The following KCNG1 variants were observed in gnomAD, a reference collection of about 807,000 sequenced individuals.
KCNG1 encodes the protein potassium voltage-gated channel modifier subfamily G member 1.
In KCNG1, 17 loss-of-function variants were observed where a neutral mutation model predicts 32.4. The observed-to-expected ratio is 0.52, with a 90% CI of 0.36 to 0.79. The LOEUF (loss-of-function observed/expected upper bound fraction) is 0.79. Ranked by LOEUF, KCNG1 falls within the 30% of genes least tolerant of loss-of-function variation. The pLI, the probability that KCNG1 is intolerant of heterozygous loss-of-function variation, is 0.00. For synonymous variants in KCNG1, 358 were observed against 339.9 expected (o/e 1.05, Z -0.59); for missense variants, 441 against 735.2 (o/e 0.60, Z 4.63).
intron 1 of KCNG1, among the ~76,000 whole-genome samples, chr20:51,011,400 T>C (rs1040143481): frequency 6.6e-6 from 1 of 152,154 alleles, no homozygotes; most frequent in Non-Finnish European, 1.5e-5. Context: ...ACAGTTCTCA[T>C]AGGGCTGATT....
chr20:51,010,009 G>T lies in KCNG1; in HGVS notation c.330C>A (p.Val110=), dbSNP rs551001071. The change falls in exon 2 of 3, where the codon GTC becomes GTA. Residue 110 remains valine, a synonymous_variant. Coordinates refer to ENST00000371571, the MANE Select transcript of KCNG1 (RefSeq NM_002237.4). ...GGTCGAAGAAGAACTCGTTGCAGGTGACGTCGTAGTCATCGCACACGTTGA... is the reference window on the plus strand; with the variant it reads ...GGTCGAAGAAGAACTCGTTGCAGGTTACGTCGTAGTCATCGCACACGTTGA... ...DILNVCDDYD[V]TCNEFFFDRN... 3.1e-5 allele frequency: 50 copies of T among 1,614,108 alleles called. No homozygotes were observed. Among genetic ancestry groups the T allele is most frequent in the Admixed American group, 5.0e-5 (3 of 60,032 alleles).
chr20:51,018,426 G>A (rs1472485415), intron 1 of KCNG1, among the ~76,000 whole-genome samples: 1 of 152,172 alleles, frequency 6.6e-6, no homozygotes, highest in Non-Finnish European at 1.5e-5. Flanking sequence ...GCATGAAATG[G>A]TTCTACAGAT....
intron 1 of KCNG1, among the ~76,000 whole-genome samples, chr20:51,018,002 C>G (rs1486509235): frequency 4.6e-5 from 7 of 152,178 alleles, no homozygotes; most frequent in Admixed American, 3.9e-4. Context: ...AAAGGTGATG[C>G]TTATAAGCTA....
Position 51,003,988 on chromosome 20 carries a change from G to A in KCNG1, c.*51C>T. ...CCTCTCCAGGCGTCTGCAGTGGATGGCAATGGCTTCGGGCCACAGATGGCA... is the reference window on the plus strand; with the variant it reads ...CCTCTCCAGGCGTCTGCAGTGGATGACAATGGCTTCGGGCCACAGATGGCA... On this transcript the variant is annotated 3_prime_UTR_variant, in exon 3 of 3. Coordinates refer to ENST00000371571, the MANE Select transcript of KCNG1 (RefSeq NM_002237.4). 1 of 1,578,180 alleles carries A rather than the reference G, an allele frequency of 6.3e-7. No individual in the cohort carries two copies. The highest frequency in any genetic ancestry group is 1.2e-5 in the South Asian group (1 of 84,782).
chr20:51,003,864 T>G lies in KCNG1; in HGVS notation c.*175A>C. The G allele has an allele frequency of 7.6e-6, 5 of 655,114 alleles. No individual in the cohort carries two copies. The highest frequency in any genetic ancestry group is 1.0e-5 in the Non-Finnish European group (4 of 394,478). The allele number at this position is 655,114 out of a possible 1,614,324, so 40.6% of individuals were successfully genotyped here. ...CGGAGGGGCAGGGCCCCTCTGCTGA[T>G]GTTCTAGTGTTCTTCCCGGGGTGTG... On this transcript the variant is annotated 3_prime_UTR_variant, in exon 3 of 3. Transcript: ENST00000371571.
In KCNG1 at chr20:51,004,890, G is replaced by T; in HGVS notation, c.775-84C>A. On this transcript the variant is annotated intron_variant, in intron 2 of 2. Transcript: ENST00000371571. The surrounding 1 kb of genome is among the most constrained non-coding windows in gnomAD (Gnocchi z 4.3). ...AGAAGCTCTGCCCTGTGCCCTGCTG[G>T]GCTTCCCAGGCGGAAGGTGACCTCT... The T allele has an allele frequency of 7.2e-7, 1 of 1,382,478 alleles. No homozygotes were observed. Among genetic ancestry groups the T allele is most frequent in the Non-Finnish European group, 9.6e-7 (1 of 1,043,130 alleles). The allele number at this position is 1,382,478 out of a possible 1,614,324, so 85.6% of individuals were successfully genotyped here. A position where few individuals can be genotyped will look rare whatever the true frequency, so the allele number is the denominator to read the frequency against.
Position 51,004,978 on chromosome 20 carries a change from G to C in KCNG1, c.775-172C>G. On this transcript the variant is annotated intron_variant, in intron 2 of 2. Transcript: ENST00000371571. The surrounding 1 kb of genome is among the most constrained non-coding windows in gnomAD (Gnocchi z 4.3). ...CCCACTCCGAGGCCTGGGGCACTAA[G>C]CACCATCTCTACACTGGCCGCTCCT... 1 of 589,648 alleles carries C rather than the reference G, an allele frequency of 1.7e-6. No individual in the cohort carries two copies. Among genetic ancestry groups the C allele is most frequent in the Non-Finnish European group, 2.9e-6 (1 of 348,982 alleles). 36.5% of individuals were successfully genotyped at this position (589,648 alleles called of 1,614,324 possible).
In KCNG1 at chr20:51,003,944, C is replaced by T. The variant is rs912222456; in HGVS notation, c.*95G>A. The stretch of plus-strand genomic sequence containing the variant: ...GGGAGTCGGTGCTGCGCCAGGACTG[C>T]ACTCGGAAGCGGCCTGTCCCTCTCC... On this transcript the variant is annotated 3_prime_UTR_variant, in exon 3 of 3. Coordinates refer to ENST00000371571, the MANE Select transcript of KCNG1 (RefSeq NM_002237.4). The T allele has an allele frequency of 2.1e-6, 3 of 1,407,328 alleles. No individual in the cohort carries two copies. The highest frequency in any genetic ancestry group is 2.3e-5 in the East Asian group (1 of 42,924). 87.2% of individuals were successfully genotyped at this position (1,407,328 alleles called of 1,614,324 possible). A position where few individuals can be genotyped will look rare whatever the true frequency, so the allele number is the denominator to read the frequency against.
rs1987810073 is a variant in KCNG1, at chr20:51,005,955, C to T, written c.775-1149G>A. On this transcript the variant is annotated intron_variant, in intron 2 of 2. Transcript: ENST00000371571. The surrounding 1 kb of genome is among the most constrained non-coding windows in gnomAD (Gnocchi z 4.0). ...GACCTCTGGGATGGGAAGCCCCTTC[C>T]TCTGGGAAGCTTTCCTGGAGCGTGC... 6.6e-6 allele frequency: 1 copy of T among 152,182 alleles called. No homozygotes were observed. Among genetic ancestry groups the T allele is most frequent in the Non-Finnish European group, 1.5e-5 (1 of 68,038 alleles). The allele number at this position is 152,182 out of a possible 1,614,324, so 9.4% of individuals were successfully genotyped here. A position where few individuals can be genotyped will look rare whatever the true frequency, so the allele number is the denominator to read the frequency against.
At chr20:51,013,877 T>C (rs960406937) in intron 1 of KCNG1, 4 of 152,246 alleles carry the variant, frequency 2.6e-5, no homozygotes, top group African/African-American at 9.6e-5. Context: ...AAAAGTGACA[T>C]TCTGTTTGGC....
rs1447516092 is a variant in KCNG1 at position 51,009,821 on chromosome 20, A to G, written c.518T>C (p.Ile173Thr). ...GCCKRRYLQK[I>T]EEFAEMVERE... ...CTCCACCATCTCCGCGAACTCCTCAATCTTCTGCAGGTAGCGGCGCTTGCA... is the reference window on the plus strand; with the variant it reads ...CTCCACCATCTCCGCGAACTCCTCAGTCTTCTGCAGGTAGCGGCGCTTGCA... The change falls in exon 2 of 3, where the codon ATT (isoleucine) becomes ACT (threonine). Residue 173 changes from isoleucine (I) to threonine (T), a missense_variant. By Grantham distance (89) the Ile-to-Thr change is moderately conservative. Transcript: ENST00000371571. 34 of 1,613,002 alleles carry G rather than the reference A, an allele frequency of 2.1e-5. No individual in the cohort carries two copies. Among genetic ancestry groups the G allele is most frequent in the Non-Finnish European group, 2.9e-5 (34 of 1,179,910 alleles).
At chr20:51,014,774 A>G (rs560695698) in intron 1 of KCNG1, among the ~76,000 whole-genome samples, 1 of 152,208 alleles carries the variant, frequency 6.6e-6, no homozygotes, top group East Asian at 1.9e-4. Context: ...GAGATGGAGA[A>G]TGACTATTGT....
Position 51,004,018 on chromosome 20 carries a change from G to A in KCNG1, c.*21C>T. 1.2e-6 allele frequency: 2 copies of A among 1,604,126 alleles called. No individual in the cohort carries two copies. The highest frequency in any genetic ancestry group is 2.2e-5 in the South Asian group (2 of 89,838). On this transcript the variant is annotated 3_prime_UTR_variant, in exon 3 of 3. Coordinates refer to ENST00000371571, the MANE Select transcript of KCNG1 (RefSeq NM_002237.4). This position sits in a 1 kb window ranked among gnomAD's most constrained non-coding sequence, Gnocchi z 4.3. ...GGCTTCGGGCCACAGATGGCAGGCA[G>A]GGCAGGCGTGTCCTCCGCGCTCAGT... is the stretch of plus-strand genomic sequence containing the variant.
intron 1 of KCNG1, among the ~76,000 whole-genome samples, chr20:51,017,775 G>A (rs150936819): frequency 6.6e-5 from 10 of 152,220 alleles, no homozygotes; most frequent in Non-Finnish European, 1.3e-4. Context: ...GGAGGCACAG[G>A]AGCTGCTCTG....
chr20:51,008,462 T>C (rs1987924453), intron 2 of KCNG1, among the ~76,000 whole-genome samples: 1 of 152,032 alleles, frequency 6.6e-6, no homozygotes, highest in African/African-American at 2.4e-5. Flanking sequence ...CCCAAGTAGC[T>C]AGGACTACAG....
At chr20:51,021,899 C>T (rs372734924) in intron 1 of KCNG1, among the ~76,000 whole-genome samples, 15 of 150,862 alleles carry the variant, frequency 9.9e-5, no homozygotes, top group African/African-American at 3.6e-4. Flanking sequence ...TTGAAAAGAT[C>T]TTTTCTTCCT....
In KCNG1 at chr20:51,004,554, G is replaced by T. The variant is rs1163872291; in HGVS notation, c.1027C>A (p.Arg343Ser). The T allele has an allele frequency of 4.4e-6, 7 of 1,584,194 alleles. No homozygotes were observed. Among genetic ancestry groups the T allele is most frequent in the Non-Finnish European group, 6.0e-6 (7 of 1,165,882 alleles). Residue 343 changes from arginine to serine, a missense_variant, in exon 3 of 3, where the codon CGC (arginine) becomes AGC (serine). Coordinates refer to ENST00000371571, the MANE Select transcript of KCNG1 (RefSeq NM_002237.4). This position sits in a 1 kb window ranked among gnomAD's most constrained non-coding sequence, Gnocchi z 4.3. ...AGGATGCGCAGCGCCCGCAGCACGC[G>T]CAGCACCAGCCCCACCTTGTCCAGG... ...SYLDKVGLVL[R>S]VLRALRILYV...
chr20:51,005,776 AGAGAGGAGAG>A lies in KCNG1; in HGVS notation c.775-980_775-971del, dbSNP rs2123210069. 1 of 152,308 alleles carries A rather than the reference AGAGAGGAGAG, an allele frequency of 6.6e-6. No homozygotes were observed. The highest frequency in any genetic ancestry group is 6.5e-5 in the Admixed American group (1 of 15,292). The allele number at this position is 152,308 out of a possible 1,614,324, so 9.4% of individuals were successfully genotyped here. ...CCTCATCCTTGAAGGGGCCTTTGGC[AGAGAGGAGAG>A]GCCAGTGTGGTTCCAGCCTGGGGCA... On this transcript the variant is annotated intron_variant, in intron 2 of 2. Transcript: ENST00000371571. The surrounding 1 kb of genome is among the most constrained non-coding windows in gnomAD (Gnocchi z 4.0).
chr20:51,017,307 G>A (rs1988315340), intron 1 of KCNG1, among the ~76,000 whole-genome samples: 1 of 152,150 alleles, frequency 6.6e-6, no homozygotes, highest in Non-Finnish European at 1.5e-5. Context: ...AGTGGAAAAA[G>A]AAACAGAAGT....
Sources: allele counts gnomAD v4.1 joint callset (sites outside exome capture counted in the v4.1 genomes callset), GRCh38; gene constraint gnomAD v4.1.1; non-coding constraint Gnocchi (gnomAD v3.1); transcripts MANE v1.5; gene names NCBI Gene and HGNC (gene_info 2026-07-23, HGNC 2026-07-21).